PARD3: variants seen among roughly 807,000 people sequenced by gnomAD.
The protein encoded by PARD3 is par-3 family cell polarity regulator.
PARD3 carries 75 observed loss-of-function variants against 155.4 expected under a neutral mutation model. The ratio of observed to expected loss-of-function variants is 0.48; its 90% CI spans 0.40 to 0.58. PARD3 has a LOEUF of 0.58. Among genes scored for constraint, PARD3 ranks in the 20% least tolerant of loss-of-function variants. PARD3 has a pLI of 0.00. For synonymous variants in PARD3, 576 were observed against 610.5 expected (o/e 0.94, Z 0.83); for missense variants, 1,642 against 1,721.7 (o/e 0.95, Z 0.82).
chr10:34,580,503 C>T (rs1243983410), intron 2 of PARD3, among the ~76,000 whole-genome samples: 1 of 152,100 alleles, frequency 6.6e-6, no homozygotes, highest in African/African-American at 2.4e-5. Flanking sequence ...CCATTGCAGT[C>T]CAGCTAGGTG....
At chr10:34,289,477 A>G (rs1956570517) in intron 20 of PARD3, among the ~76,000 whole-genome samples, 1 of 151,910 alleles carries the variant, frequency 6.6e-6, no homozygotes, top group African/African-American at 2.4e-5. Context: ...GGCGTGAGCC[A>G]CTGCATCTGG....
chr10:34,280,387 G>A (rs1160042272), intron 21 of PARD3, among the ~76,000 whole-genome samples: 1 of 152,190 alleles, frequency 6.6e-6, no homozygotes, highest in Non-Finnish European at 1.5e-5. Context: ...TGTTAATACA[G>A]ATAAATTTTT....
intron 22 of PARD3, among the ~76,000 whole-genome samples, chr10:34,227,884 A>ATATATATATATATAT (rs1952704039): frequency 1.6e-5 from 2 of 124,958 alleles, no homozygotes; most frequent in African/African-American, 3.0e-5. Flanking sequence ...ATATATATAT[A>ATATATATATATATAT]CTGGGAATAT....
chr10:34,197,136 C>T (rs1325625566), intron 22 of PARD3, among the ~76,000 whole-genome samples: 1 of 152,164 alleles, frequency 6.6e-6, no homozygotes, highest in African/African-American at 2.4e-5. Context: ...AAACTGTGTT[C>T]TCCTCCCGAT....
chr10:34,245,249 G>T (rs1230360843), intron 22 of PARD3, among the ~76,000 whole-genome samples: 1 of 152,112 alleles, frequency 6.6e-6, no homozygotes, highest in Non-Finnish European at 1.5e-5. Context: ...GCTGCAGCAG[G>T]GCGTTCCACA....
intron 22 of PARD3, among the ~76,000 whole-genome samples, chr10:34,160,383 A>G (rs903831406): frequency 1.7e-4 from 26 of 152,348 alleles, no homozygotes; most frequent in Middle Eastern, 3.4e-3. Flanking sequence ...ATGTCCTCTA[A>G]GCACTAATAC....
intron 22 of PARD3, among the ~76,000 whole-genome samples, chr10:34,246,843 T>C (rs1308344212): frequency 6.6e-6 from 1 of 152,110 alleles, no homozygotes; most frequent in Non-Finnish European, 1.5e-5. Context: ...ACTCTGCAAC[T>C]GGTCTAAAAG....
At chr10:34,811,924 T>A (rs1844233258) in intron 1 of PARD3, among the ~76,000 whole-genome samples, 4 of 152,166 alleles carry the variant, frequency 2.6e-5, no homozygotes, top group Admixed American at 6.5e-5. Context: ...CACCGCACTG[T>A]CCTCAGCGAG....
intron 2 of PARD3, among the ~76,000 whole-genome samples, chr10:34,573,362 A>C (rs1431519104): frequency 6.6e-6 from 1 of 151,976 alleles, no homozygotes; most frequent in Non-Finnish European, 1.5e-5. Context: ...TCTCTTAAAA[A>C]TAGGTAAGAA....
rs868146754 is a variant in PARD3, at chr10:34,510,892, C to T, written c.403+6087G>A. Among the ~76,000 whole-genome samples, 10 of 152,188 alleles carry T rather than the reference C, an allele frequency of 6.6e-5. No individual in the cohort carries two copies. In the South Asian group the frequency reaches 2.1e-3, roughly 32 times the overall value. On this transcript the variant is annotated intron_variant, in intron 3 of 24. Coordinates refer to ENST00000374788, the MANE Select transcript of PARD3 (RefSeq NM_001184785.2). ...GTTCTTTTAAAAATAATTTCAATAA[C>T]CTTATTGCATCTAAATAATTCCTTA... is the stretch of plus-strand genomic sequence containing the variant.
At chr10:34,237,906 T>C (rs1953339584) in intron 22 of PARD3, among the ~76,000 whole-genome samples, 1 of 152,140 alleles carries the variant, frequency 6.6e-6, no homozygotes, top group Non-Finnish European at 1.5e-5. Flanking sequence ...GGGTGGTCCA[T>C]GAATTTAGTT....
At chr10:34,145,746 T>C (rs1948475915) in intron 22 of PARD3, among the ~76,000 whole-genome samples, 1 of 152,196 alleles carries the variant, frequency 6.6e-6, no homozygotes, top group Non-Finnish European at 1.5e-5. Context: ...TCCAAGTTCT[T>C]AAAGAAAACA....
At chr10:34,496,757 A>C (rs773989) in intron 3 of PARD3, among the ~76,000 whole-genome samples, 65,158 of 152,056 alleles carry the variant, frequency 0.43, 14,667 homozygotes, top group African/African-American at 0.57. Context: ...ATCAAATGTA[A>C]GGTGTGGATT....
intron 2 of PARD3, among the ~76,000 whole-genome samples, chr10:34,605,361 T>C (rs968543493): frequency 4.7e-5 from 7 of 149,048 alleles, no homozygotes; most frequent in Non-Finnish European, 1.0e-4. Flanking sequence ...GCCTGGCTAA[T>C]TTTTTGTACT....
chr10:34,277,625 G>A (rs1251977371), intron 21 of PARD3, among the ~76,000 whole-genome samples: 1 of 152,296 alleles, frequency 6.6e-6, no homozygotes, highest in Non-Finnish European at 1.5e-5. Flanking sequence ...TTCCAGGGAA[G>A]AATGCAAGTT....
intron 19 of PARD3, among the ~76,000 whole-genome samples, chr10:34,323,699 C>T (rs959443308): frequency 6.6e-6 from 1 of 152,160 alleles, no homozygotes. Flanking sequence ...TAACCCATCC[C>T]CCTCAAATGA....
At chr10:34,404,491 AT>A (rs2132230989) in intron 5 of PARD3, among the ~76,000 whole-genome samples, 1 of 152,254 alleles carries the variant, frequency 6.6e-6, no homozygotes, top group East Asian at 1.9e-4. Flanking sequence ...ACATGGTGAG[AT>A]CCCGCCTCTA....
intron 4 of PARD3, among the ~76,000 whole-genome samples, chr10:34,468,168 A>G (rs2078125480): frequency 6.6e-6 from 1 of 152,200 alleles, no homozygotes; most frequent in Non-Finnish European, 1.5e-5. Context: ...GGGTAGCTCC[A>G]CAGGCAAGCC....
chr10:34,799,548 T>C (rs1207369985), intron 1 of PARD3, among the ~76,000 whole-genome samples: 1 of 152,148 alleles, frequency 6.6e-6, no homozygotes, highest in Admixed American at 6.5e-5. Context: ...CATAAGCCAT[T>C]CAAGCAAACC....
Sources: allele counts gnomAD v4.1 joint callset (sites outside exome capture counted in the v4.1 genomes callset), GRCh38; gene constraint gnomAD v4.1.1; transcripts MANE v1.5; gene names NCBI Gene and HGNC (gene_info 2026-07-23, HGNC 2026-07-21).